The following TGFBR1 variants were observed in gnomAD, a reference collection of about 807,000 sequenced individuals.
TGFBR1 encodes the protein TGF-beta receptor type-1.
TGFBR1 carries 20 observed loss-of-function variants against 55.1 expected under a neutral mutation model. That is an observed-to-expected ratio of 0.36 (90% CI 0.26 to 0.53). The LOEUF (loss-of-function observed/expected upper bound fraction) is 0.53, where lower values mean the gene tolerates loss of function less well. Among genes scored for constraint, TGFBR1 ranks in the 20% least tolerant of loss-of-function variants. The pLI is 0.91. For missense variants in TGFBR1, 385 were observed against 617.6 expected, an observed-to-expected ratio of 0.62 and a Z score of 3.99; for synonymous variants, 220 against 214.8, an observed-to-expected ratio of 1.02 and a Z score of -0.21.
At chr9:99,128,776 T>C in intron 1 of TGFBR1, 79 bp from the exon 2 acceptor site, 1 of 1,548,702 alleles carries the variant, frequency 6.5e-7, no homozygotes, top group South Asian at 1.1e-5. Context: ...GGATCAAGAA[T>C]GTATTATTAG....
chr9:99,112,256 A>G (rs1032617244), intron 1 of TGFBR1, among the ~76,000 whole-genome samples: 57 of 152,104 alleles, frequency 3.7e-4, no homozygotes, highest in African/African-American at 1.4e-3. Flanking sequence ...CAAAGAAATC[A>G]GAGGAATTAG....
At chr9:99,136,014 C>G (rs1827428645) in intron 3 of TGFBR1, among the ~76,000 whole-genome samples, 1 of 151,914 alleles carries the variant, frequency 6.6e-6, no homozygotes, top group Non-Finnish European at 1.5e-5. Context: ...ACCACCATGC[C>G]CAGCTAATTT....
chr9:99,109,658 C>A lies in TGFBR1; in HGVS notation c.97+4356C>A, dbSNP rs370150881. Among the ~76,000 whole-genome samples the A allele has an allele frequency of 2.6e-5, 4 of 152,332 alleles. No homozygotes were observed. In the South Asian group the frequency reaches 6.2e-4, roughly 24 times the overall value. On this transcript the variant is annotated intron_variant, in intron 1 of 8. Transcript: ENST00000374994. ...TCTCTTCAAACCACAGAGCCCCTTG[C>A]AAATGTCGACACACCTCTTGCCTTT...
At chr9:99,123,319 A>C (rs184577335) in intron 1 of TGFBR1, among the ~76,000 whole-genome samples, 12 of 152,166 alleles carry the variant, frequency 7.9e-5, no homozygotes, top group Non-Finnish European at 1.8e-4. Context: ...AGAAATGTGC[A>C]TCTCAAGATT....
intron 1 of TGFBR1, among the ~76,000 whole-genome samples, chr9:99,112,718 G>C (rs1199683586): frequency 6.6e-6 from 1 of 152,130 alleles, no homozygotes; most frequent in Non-Finnish European, 1.5e-5. Flanking sequence ...TTTTAGGCTG[G>C]ATAATGCCTT....
At chr9:99,107,849 A>G (rs77893832) in intron 1 of TGFBR1, among the ~76,000 whole-genome samples, 1 of 152,134 alleles carries the variant, frequency 6.6e-6, no homozygotes. Flanking sequence ...CCTTTTCACT[A>G]CACATTTAGT....
intron 1 of TGFBR1, among the ~76,000 whole-genome samples, chr9:99,115,565 C>T (rs182685664): frequency 1.1e-3 from 163 of 152,272 alleles, no homozygotes; most frequent in Non-Finnish European, 1.8e-3. Context: ...AGAAAAGCAG[C>T]AACTGCCCTT....
intron 4 of TGFBR1, among the ~76,000 whole-genome samples, chr9:99,139,431 G>GACA (rs1564163909): frequency 6.6e-6 from 1 of 151,702 alleles, no homozygotes; most frequent in Non-Finnish European, 1.5e-5. Context: ...ACTTTTATTT[G>GACA]TAGAAAATTT....
chr9:99,145,056 G>A (rs1827749318), intron 6 of TGFBR1, among the ~76,000 whole-genome samples, 168 bp downstream of exon 6: 1 of 152,128 alleles, frequency 6.6e-6, no homozygotes, highest in Non-Finnish European at 1.5e-5. Context: ...AGAGTTACCT[G>A]ACTTAAAAAG....
intron 8 of TGFBR1, among the ~76,000 whole-genome samples, chr9:99,148,906 G>T (rs1167623944): frequency 1.3e-5 from 2 of 152,100 alleles, no homozygotes; most frequent in Non-Finnish European, 2.9e-5. Context: ...TGTGAGGTCA[G>T]ATTTCTTCTT....
At chr9:99,147,856 T>C in intron 8 of TGFBR1, 72 bp downstream of exon 8, 2 of 1,575,552 alleles carry the variant, frequency 1.3e-6, no homozygotes, top group Non-Finnish European at 1.7e-6. Flanking sequence ...TTTGCTACTT[T>C]TCTTTAAGGA....
intron 1 of TGFBR1, among the ~76,000 whole-genome samples, chr9:99,114,683 A>G (rs984479486): frequency 6.6e-6 from 1 of 152,254 alleles, no homozygotes; most frequent in African/African-American, 2.4e-5. Flanking sequence ...AGCTTTGCTA[A>G]AAGCTGGAGG....
chr9:99,104,869 G>A (rs1365152841), upstream of TGFBR1, among the ~76,000 whole-genome samples: 1 of 152,102 alleles, frequency 6.6e-6, no homozygotes, highest in Admixed American at 6.5e-5. Context: ...GCGGCCTCTC[G>A]GAGCCGGGAG....
In TGFBR1 at chr9:99,136,437, G is replaced by A. The variant is rs530327316; in HGVS notation, c.575-1422G>A. Among the ~76,000 whole-genome samples, 11 of 152,216 alleles carry A rather than the reference G, an allele frequency of 7.2e-5. No homozygotes were observed. The South Asian group carries it at 2.3e-3, about 32-fold the overall frequency. Reference sequence around the variant, plus strand: ...TTAGTCTCCTGAAATTAACTCTTAAGTGTACTTTTAAGTCTGTGGTGTGGC... The same window carrying A: ...TTAGTCTCCTGAAATTAACTCTTAAATGTACTTTTAAGTCTGTGGTGTGGC... On this transcript the variant is annotated intron_variant, in intron 3 of 8. Transcript: ENST00000374994.
intron 1 of TGFBR1, among the ~76,000 whole-genome samples, chr9:99,116,832 C>G (rs1564133913): frequency 6.6e-6 from 1 of 152,164 alleles, no homozygotes. Flanking sequence ...TTCATATACA[C>G]ATAGTTTAGT....
intron 1 of TGFBR1, among the ~76,000 whole-genome samples, chr9:99,126,057 G>A (rs1275482464): frequency 6.6e-6 from 1 of 152,184 alleles, no homozygotes; most frequent in Non-Finnish European, 1.5e-5. Flanking sequence ...GAAGGTAAGG[G>A]CGAGGTTTAG....
upstream of TGFBR1, among the ~76,000 whole-genome samples, chr9:99,104,729 T>C (rs1223056924): frequency 6.6e-6 from 1 of 152,030 alleles, no homozygotes; most frequent in African/African-American, 2.4e-5. Context: ...TAGAGGAGGT[T>C]AGAAGAAAAG....
chr9:99,142,405 G>A, intron 4 of TGFBR1, 131 bp from the exon 5 acceptor site: 1 of 959,874 alleles, frequency 1.0e-6, no homozygotes, highest in South Asian at 1.4e-5. Flanking sequence ...AAAATGTGAA[G>A]GAAATACAGA....
chr9:99,149,401 G>A lies in TGFBR1; in HGVS notation c.*96G>A. 6.6e-7 allele frequency: 1 copy of A among 1,517,280 alleles called. No homozygotes were observed. Among genetic ancestry groups the A allele is most frequent in the Non-Finnish European group, 9.1e-7 (1 of 1,094,858 alleles). The allele number at this position is 1,517,280 out of a possible 1,614,324, so 94.0% of individuals were successfully genotyped here. On this transcript the variant is annotated 3_prime_UTR_variant, in exon 9 of 9. Transcript: ENST00000374994. ...TGTTCTACCTCACTGAGAGGGAACA[G>A]AAGGATATTGCTTCCTTTTGCAGCA...
Sources: allele counts gnomAD v4.1 joint callset (sites outside exome capture counted in the v4.1 genomes callset), GRCh38; gene constraint gnomAD v4.1.1; transcripts MANE v1.5; gene names NCBI Gene and HGNC (gene_info 2026-07-23, HGNC 2026-07-21).